Variants in SCGB1D4 observed in about 807,000 individuals in gnomAD.
SCGB1D4 encodes IFN-gamma inducible SCGB (IIS).
Under a neutral mutation model 8.1 loss-of-function variants are expected in SCGB1D4, and 6 were observed. The ratio of observed to expected loss-of-function variants is 0.74; its 90% CI spans 0.40 to 1.45. The LOEUF (loss-of-function observed/expected upper bound fraction) is 1.45, where lower values mean the gene tolerates loss of function less well. Ranked by LOEUF, SCGB1D4 falls within the 40% of genes most tolerant of loss-of-function variation. SCGB1D4 has a pLI of 0.02. For missense variants in SCGB1D4, 93 were observed against 95.0 expected (o/e 0.98, Z 0.09); for synonymous variants, 34 against 38.1 (o/e 0.89, Z 0.39).
At chr11:62,297,329 C>A in intron 2 of SCGB1D4, 143 bp downstream of exon 2, 1 of 707,674 alleles carries the variant, frequency 1.4e-6, no homozygotes, top group Non-Finnish European at 2.4e-6. Flanking sequence ...TTCACCATCC[C>A]TGCCTTGGCC....
In SCGB1D4 at chr11:62,298,977, G is replaced by A. The variant is rs2134523095; in HGVS notation, c.34C>T (p.Leu12=). Residue 12 remains leucine (L), a synonymous_variant, in exon 1 of 3, where the codon CTG becomes TTG. Transcript: ENST00000358585. ...TCACCCTGGTAGCAGCAAAGGGCCA[G>A]CGAGACCATCAGGAGACACACTGAC... ...RLSVCLLMVS[L]ALCCYQAHAL... is the part of the protein sequence containing the mutation. The A allele has an allele frequency of 6.2e-7, 1 of 1,614,062 alleles. No individual in the cohort carries two copies. The highest frequency in any genetic ancestry group is 1.7e-5 in the Admixed American group (1 of 60,014).
intron 2 of SCGB1D4, among the ~76,000 whole-genome samples, chr11:62,296,636 G>A (rs758054725): frequency 3.9e-5 from 6 of 152,188 alleles, no homozygotes; most frequent in Non-Finnish European, 8.8e-5. Context: ...CAGACCAATA[G>A]ACCTGGGAAG....
rs1010967517 is a variant in SCGB1D4, at chr11:62,296,293, G to A, written c.*117C>T. On this transcript the variant is annotated 3_prime_UTR_variant, in exon 3 of 3. Transcript: ENST00000358585. ...ACCAGTGGAGATGTGCAGGGCAAGT[G>A]ATTTATTAAAGCAACGTGTTGAAAC... 2.2e-6 allele frequency: 2 copies of A among 918,286 alleles called. No homozygotes were observed. The highest frequency in any genetic ancestry group is 3.6e-6 in the Non-Finnish European group (2 of 551,108). The allele number at this position is 918,286 out of a possible 1,614,324, so 56.9% of individuals were successfully genotyped here.
At position 62,297,464 on chromosome 11, in the gene SCGB1D4, G is replaced by C; in HGVS notation, c.242+8C>G. 3 of 1,606,540 alleles carry C rather than the reference G, an allele frequency of 1.9e-6. No individual in the cohort carries two copies. Among genetic ancestry groups the C allele is most frequent in the Non-Finnish European group, 2.6e-6 (3 of 1,174,584 alleles). ...ATTCTGCCTCTGCATAAAGGAGAAA[G>C]AAATTACCAGGACTTTTTCAATGAG... On this transcript the variant is annotated splice_region_variant and intron_variant, in intron 2 of 2. Transcript: ENST00000358585.
In SCGB1D4 at chr11:62,297,522, G is replaced by A. The variant is rs1565139501; in HGVS notation, c.192C>T (p.His64=). ...TCTTAAAAGATATCTGATCGGTGCAGTGCTTCACTTCCAACTTGGCTGCAA... is the reference window on the plus strand; with the variant it reads ...TCTTAAAAGATATCTGATCGGTGCAATGCTTCACTTCCAACTTGGCTGCAA... The part of the protein sequence containing the change: ...EALAAKLEVK[H]CTDQISFKKR... Residue 64 remains histidine (H), a synonymous_variant, in exon 2 of 3, where the codon CAC becomes CAT. Coordinates refer to ENST00000358585, the MANE Select transcript of SCGB1D4 (RefSeq NM_206998.2). 1.2e-6 allele frequency: 2 copies of A among 1,614,114 alleles called. No homozygotes were observed. The highest frequency in any genetic ancestry group is 1.7e-6 in the Non-Finnish European group (2 of 1,179,938).
At chr11:62,296,544 C>T in intron 2 of SCGB1D4, 125 bp from the exon 3 acceptor site, 1 of 954,442 alleles carries the variant, frequency 1.0e-6, no homozygotes, top group Non-Finnish European at 1.6e-6. Context: ...AAGGCAGAGG[C>T]AAGAATTCAG....
chr11:62,298,934 G>T, intron 1 of SCGB1D4, 22 bp downstream of exon 1: 2 of 1,612,802 alleles, frequency 1.2e-6, no homozygotes, highest in South Asian at 1.1e-5. Flanking sequence ...GCTGGTGCTG[G>T]ACTCATGACT....
Position 62,298,947 on chromosome 11 carries a change from T to G in SCGB1D4, c.55+9A>C. The stretch of plus-strand genomic sequence containing the variant: ...GGGCTGGTGCTGGACTCATGACTGA[T>G]GTACTCACCCTGGTAGCAGCAAAGG... On this transcript the variant is annotated intron_variant, in intron 1 of 2. Coordinates refer to ENST00000358585, the MANE Select transcript of SCGB1D4 (RefSeq NM_206998.2). The G allele has an allele frequency of 6.2e-7, 1 of 1,613,784 alleles. No individual in the cohort carries two copies. Among genetic ancestry groups the G allele is most frequent in the Non-Finnish European group, 8.5e-7 (1 of 1,179,792 alleles).
In SCGB1D4 at chr11:62,296,415, T is replaced by A; in HGVS notation, c.247A>T (p.Lys83Ter). 1 of 1,607,182 alleles carries A rather than the reference T, an allele frequency of 6.2e-7. No homozygotes were observed. The highest frequency in any genetic ancestry group is 8.5e-7 in the Non-Finnish European group (1 of 1,176,518). Residue 83 changes from lysine to a stop codon, truncating the protein, a stop_gained, in exon 3 of 3, where the codon AAA becomes TAA. Transcript: ENST00000358585. LOFTEE classifies it high-confidence loss of function. ...KRLSLKKSWW[K>*] ...TCACACACCACATTTTTTCACTATT[T>A]CCACCTGAAATCAAAAAAAAGAAAG... is the stretch of plus-strand genomic sequence containing the variant.
chr11:62,297,923 C>T (rs1315784990), intron 1 of SCGB1D4, among the ~76,000 whole-genome samples: 1 of 152,008 alleles, frequency 6.6e-6, no homozygotes, highest in Non-Finnish European at 1.5e-5. Context: ...TCTCGGCTCA[C>T]TGCAGCCTGA....
intron 1 of SCGB1D4, among the ~76,000 whole-genome samples, chr11:62,298,042 GTGTGTTT>G (rs1408400655): frequency 3.4e-4 from 41 of 119,794 alleles, no homozygotes; most frequent in Non-Finnish European, 4.3e-4. Context: ...GTGTGTGTGT[GTGTGTTT>G]TGTTTTGTTT....
intron 2 of SCGB1D4, among the ~76,000 whole-genome samples, chr11:62,296,790 G>A (rs1945444461): frequency 6.6e-6 from 1 of 152,172 alleles, no homozygotes; most frequent in Non-Finnish European, 1.5e-5. Flanking sequence ...AGCCAGGCAG[G>A]GCAGGGAGGG....
chr11:62,296,854 GCCTAACGGC>G (rs1945444718), intron 2 of SCGB1D4, among the ~76,000 whole-genome samples: 1 of 152,212 alleles, frequency 6.6e-6, no homozygotes, highest in African/African-American at 2.4e-5. Flanking sequence ...GGAGAATTCT[GCCTAACGGC>G]CAGGGGTCTT....
chr11:62,297,367 A>T, intron 2 of SCGB1D4, 105 bp downstream of exon 2: 1 of 919,750 alleles, frequency 1.1e-6, no homozygotes, highest in Non-Finnish European at 1.7e-6. Context: ...TCCTCAGCAC[A>T]CTCTGGGGAC....
At chr11:62,297,700 C>T (rs1209141062) in intron 1 of SCGB1D4, 42 bp from the exon 2 acceptor site, 29 of 1,551,200 alleles carry the variant, frequency 1.9e-5, no homozygotes, top group Non-Finnish European at 2.3e-5. Flanking sequence ...TTAGGAAAGT[C>T]GATTTTTCTC....
chr11:62,297,190 C>T (rs2134520931), intron 2 of SCGB1D4, among the ~76,000 whole-genome samples: 1 of 152,276 alleles, frequency 6.6e-6, no homozygotes, highest in East Asian at 1.9e-4. Flanking sequence ...GCTCTAGGTC[C>T]CCTCAAGCCT....
intron 2 of SCGB1D4, among the ~76,000 whole-genome samples, 200 bp from the exon 3 acceptor site, chr11:62,296,619 T>C (rs1197764025): frequency 6.6e-6 from 1 of 152,140 alleles, no homozygotes; most frequent in Admixed American, 6.5e-5. Context: ...AAGCAGCCTT[T>C]CCCCACCAGA....
rs35328961 is a variant in SCGB1D4, at chr11:62,296,427, C to CAA, written c.243-10_243-9dup. On this transcript the variant is annotated splice_polypyrimidine_tract_variant and intron_variant, in intron 2 of 2. Transcript: ENST00000358585. The stretch of plus-strand genomic sequence containing the variant: ...TTTTTTCACTATTTCCACCTGAAAT[C>CAA]AAAAAAAAGAAAGAAAGAAAGAAAG... 85 of 1,591,132 alleles carry CAA rather than the reference C, an allele frequency of 5.3e-5. No homozygotes were observed. Among genetic ancestry groups the CAA allele is most frequent in the South Asian group, 1.0e-4 (9 of 89,614 alleles).
At chr11:62,298,934 G>A in intron 1 of SCGB1D4, 22 bp downstream of exon 1, 1 of 1,612,804 alleles carries the variant, frequency 6.2e-7, no homozygotes, top group Non-Finnish European at 8.5e-7. Context: ...GCTGGTGCTG[G>A]ACTCATGACT....
Sources: gnomAD v4.1 joint callset for allele counts (sites outside exome capture counted in the v4.1 genomes callset) on GRCh38, gnomAD v4.1.1 for gene constraint, MANE v1.5 for transcripts, NCBI Gene and HGNC (gene_info 2026-07-23, HGNC 2026-07-21) for gene names.